Variants in PPP1R15B observed in about 807,000 individuals in gnomAD.
PPP1R15B encodes protein phosphatase 1 regulatory subunit 15B, also known as protein phosphatase 1, regulatory (inhibitor) subunit 15B.
In PPP1R15B, 31 loss-of-function variants were observed where a neutral mutation model predicts 53.9. That is an observed-to-expected ratio of 0.58 (90% CI 0.43 to 0.78). PPP1R15B has a LOEUF of 0.78. Ranked by LOEUF, PPP1R15B falls within the 30% of genes least tolerant of loss-of-function variation. The pLI, the probability that PPP1R15B is intolerant of heterozygous loss-of-function variation, is 0.00. For missense variants in PPP1R15B, 928 were observed against 849.6 expected (o/e 1.09, Z -1.15); for synonymous variants, 345 against 329.1 (o/e 1.05, Z -0.52).
At position 204,403,663 on chromosome 1, in the gene PPP1R15B, T is replaced by C. The variant is rs957074130; in HGVS notation, c.*2429A>G. On this transcript the variant is annotated 3_prime_UTR_variant, in exon 2 of 2. Transcript: ENST00000367188. ...TGTACAAAGCCTTTTACATGCTACA[T>C]TGACACTTAAAGCACCATTAACAAG... The C allele has an allele frequency of 8.1e-6, 8 of 984,812 alleles. No individual in the cohort carries two copies. In the African/African-American group the frequency reaches 1.0e-4, roughly 13 times the overall value. 61.0% of individuals were successfully genotyped at this position (984,812 alleles called of 1,614,324 possible).
At chr1:204,397,860 T>C (rs1400544884), downstream of PPP1R15B, among the ~76,000 whole-genome samples, 1 of 151,520 alleles carries the variant, frequency 6.6e-6, no homozygotes, top group Non-Finnish European at 1.5e-5. Flanking sequence ...ATTTAAAACT[T>C]TGGGTTTCAG....
downstream of PPP1R15B, among the ~76,000 whole-genome samples, chr1:204,398,337 C>T (rs1305677345): frequency 6.6e-6 from 1 of 152,042 alleles, no homozygotes. Flanking sequence ...TAAAATTAGC[C>T]AGGCAATGTG....
Position 204,406,018 on chromosome 1 carries a change from G to A in PPP1R15B, c.*74C>T. ...AAAAAAAAAATGTCAAAGGACAGCT[G>A]CCAAGATTTGTTTTTAAAAGACACC... On this transcript the variant is annotated 3_prime_UTR_variant, in exon 2 of 2. Transcript: ENST00000367188. 6.5e-7 allele frequency: 1 copy of A among 1,537,184 alleles called. No individual in the cohort carries two copies. Among genetic ancestry groups the A allele is most frequent in the Non-Finnish European group, 8.7e-7 (1 of 1,144,622 alleles).
In PPP1R15B at chr1:204,409,648, T is replaced by TGA; in HGVS notation, c.1762_1763dup (p.Lys589GlnfsTer54). ...CCACAATGGACTCAGATGGGGTCTT[T>TGA]GAGTCACGACAGCCTTTCTCATTTT... On this transcript the variant is annotated frameshift_variant, in exon 1 of 2. Coordinates refer to ENST00000367188, the MANE Select transcript of PPP1R15B (RefSeq NM_032833.5). LOFTEE classifies it high-confidence loss of function. 1 of 1,613,682 alleles carries TGA rather than the reference T, an allele frequency of 6.2e-7. No homozygotes were observed. The highest frequency in any genetic ancestry group is 8.5e-7 in the Non-Finnish European group (1 of 1,179,572).
chr1:204,399,136 CT>C (rs761662942), downstream of PPP1R15B, among the ~76,000 whole-genome samples: 2 of 152,166 alleles, frequency 1.3e-5, no homozygotes, highest in Non-Finnish European at 2.9e-5. Flanking sequence ...TTTGGGAAAG[CT>C]ATTAACTTGG....
chr1:204,398,445 T>C (rs1558212583), downstream of PPP1R15B, among the ~76,000 whole-genome samples: 1 of 152,156 alleles, frequency 6.6e-6, no homozygotes, highest in Non-Finnish European at 1.5e-5. Context: ...CGTGCCACTG[T>C]ACTCCAGCCT....
rs760603744 is a variant in PPP1R15B, at chr1:204,410,382, T to A, written c.1030A>T (p.Thr344Ser). Residue 344 changes from threonine (T) to serine (S), a missense_variant, in exon 1 of 2, where the codon ACA becomes TCA. Thr to Ser is a moderately conservative substitution (Grantham distance 58). Coordinates refer to ENST00000367188, the MANE Select transcript of PPP1R15B (RefSeq NM_032833.5). ...TCTCCAGCAGCAGGAACAAACTGTG[T>A]TGGGTTATCTCTGCAGTGTTTTGGA... ...MDPKHCRDNP[T>S]QFVPAAGDIP... 1.2e-6 allele frequency: 2 copies of A among 1,614,196 alleles called. No homozygotes were observed. Among genetic ancestry groups the A allele is most frequent in the Non-Finnish European group, 1.7e-6 (2 of 1,180,030 alleles).
downstream of PPP1R15B, chr1:204,400,817 T>C (rs1674168355): frequency 3.1e-6 from 2 of 651,154 alleles, no homozygotes; most frequent in African/African-American, 3.8e-5. Context: ...AAATAAAATA[T>C]TCAGCAAATA....
In PPP1R15B at chr1:204,411,392, C is replaced by G; in HGVS notation, c.20G>C (p.Gly7Ala). 2.5e-6 allele frequency: 4 copies of G among 1,612,480 alleles called. No individual in the cohort carries two copies. The highest frequency in any genetic ancestry group is 3.4e-6 in the Non-Finnish European group (4 of 1,179,908). ...CCGAGGGCCAAGCCGTTTCCGCGAT[C>G]CGCCTGTCCCCGGCTCCATCTCCTT... MEPGTG[G>A]SRKRLGPRAG... The change falls in exon 1 of 2, where the codon GGA becomes GCA. Residue 7 changes from glycine (G) to alanine (A), a missense_variant. Transcript: ENST00000367188.
At chr1:204,401,927 C>CA (rs1384011648), downstream of PPP1R15B, among the ~76,000 whole-genome samples, 1 of 151,890 alleles carries the variant, frequency 6.6e-6, no homozygotes, top group Non-Finnish European at 1.5e-5. Context: ...AAGACCATCT[C>CA]AAAAAAACAA....
chr1:204,402,592 G>GTT (rs373365128), downstream of PPP1R15B, among the ~76,000 whole-genome samples: 190 of 150,056 alleles, frequency 1.3e-3, no homozygotes, highest in African/African-American at 4.4e-3. Flanking sequence ...CAGTTTTTTT[G>GTT]TTTTTTTTTG....
At chr1:204,396,805 C>T (rs972686566), downstream of PPP1R15B, among the ~76,000 whole-genome samples, 3 of 152,124 alleles carry the variant, frequency 2.0e-5, no homozygotes, top group Non-Finnish European at 2.9e-5. Flanking sequence ...GTTGGGGAGA[C>T]GTTGCTCAAA....
chr1:204,396,711 T>G (rs749727243), downstream of PPP1R15B, among the ~76,000 whole-genome samples: 1 of 152,180 alleles, frequency 6.6e-6, no homozygotes, highest in Non-Finnish European at 1.5e-5. Context: ...CACGTGTTTA[T>G]CAAAACTCAT....
chr1:204,406,171 G>C lies in PPP1R15B; in HGVS notation c.2063C>G (p.Thr688Arg). The C allele has an allele frequency of 1.2e-6, 2 of 1,614,126 alleles. No individual in the cohort carries two copies. The highest frequency in any genetic ancestry group is 1.7e-6 in the Non-Finnish European group (2 of 1,179,984). Residue 688 changes from threonine to arginine, a missense_variant, in exon 2 of 2, where the codon ACA becomes AGA. By Grantham distance (71) the Thr-to-Arg change is moderately conservative. Transcript: ENST00000367188. Reference protein sequence around the residue: ...ETEDAIGYCLTFEHRERMFNR... With the variant: ...ETEDAIGYCLRFEHRERMFNR... Reference sequence around the variant, plus strand: ...AAACATTCTTTCTCTGTGTTCAAATGTCAAGCAATATCCAATAGCATCTTC... The same window carrying C: ...AAACATTCTTTCTCTGTGTTCAAATCTCAAGCAATATCCAATAGCATCTTC...
rs1251420031 is a variant in PPP1R15B at position 204,410,791 on chromosome 1, A to G, written c.621T>C (p.Pro207=). Residue 207 remains proline (P), a synonymous_variant, in exon 1 of 2, where the codon CCT becomes CCC. Transcript: ENST00000367188. ...AATTGTCTATGCGTTGAATGTTTAGAGGCCCAGAGGGCGAAGAGCCAAGTT... is the reference window on the plus strand; with the variant it reads ...AATTGTCTATGCGTTGAATGTTTAGGGGCCCAGAGGGCGAAGAGCCAAGTT... ...NRELGSSPSG[P]LNIQRIDNFS... 3 of 1,614,108 alleles carry G rather than the reference A, an allele frequency of 1.9e-6. No homozygotes were observed. Among genetic ancestry groups the G allele is most frequent in the Non-Finnish European group, 2.5e-6 (3 of 1,180,048 alleles).
chr1:204,397,467 A>C (rs1674113218), downstream of PPP1R15B, among the ~76,000 whole-genome samples: 1 of 152,136 alleles, frequency 6.6e-6, no homozygotes, highest in Admixed American at 6.5e-5. Context: ...CGGAGGTTAC[A>C]GTGAGGCGAA....
At chr1:204,400,071 C>A (rs1217246140), downstream of PPP1R15B, among the ~76,000 whole-genome samples, 2 of 151,806 alleles carry the variant, frequency 1.3e-5, no homozygotes, top group African/African-American at 4.8e-5. Flanking sequence ...CATAGTGAGA[C>A]CCTGTCTCTA....
At chr1:204,397,763 T>G (rs1032418094), downstream of PPP1R15B, among the ~76,000 whole-genome samples, 2 of 152,160 alleles carry the variant, frequency 1.3e-5, no homozygotes, top group Non-Finnish European at 2.9e-5. Context: ...TCCTGCATAA[T>G]GAAGTGCCTT....
Position 204,411,109 on chromosome 1 carries a change from T to C in PPP1R15B, c.303A>G (p.Gly101=). ...TCAGGGCTCTCAGGGCGCTGTAGAC[T>C]CCAGCAAAATCTAGCCATCTGGTCG... The part of the protein sequence containing the change: ...MFPTRWLDFA[G]VYSALRALKG... The change falls in exon 1 of 2, where the codon GGA becomes GGG. Residue 101 remains glycine (G), a synonymous_variant. Transcript: ENST00000367188. 6.2e-7 allele frequency: 1 copy of C among 1,614,204 alleles called. No individual in the cohort carries two copies. Among genetic ancestry groups the C allele is most frequent in the Non-Finnish European group, 8.5e-7 (1 of 1,180,034 alleles).
Sources: gnomAD v4.1 joint callset for allele counts (sites outside exome capture counted in the v4.1 genomes callset) on GRCh38, gnomAD v4.1.1 for gene constraint, MANE v1.5 for transcripts, NCBI Gene and HGNC (gene_info 2026-07-23, HGNC 2026-07-21) for gene names.